Variants in STARD13 observed in about 807,000 individuals in gnomAD.
STARD13 encodes the protein StAR related lipid transfer domain containing 13.
In STARD13, 62 loss-of-function variants were observed where a neutral mutation model predicts 106.4. The ratio of observed to expected loss-of-function variants is 0.58; its 90% confidence interval spans 0.48 to 0.72. STARD13 has a LOEUF of 0.72. Ranked by LOEUF, STARD13 falls within the 30% of genes least tolerant of loss-of-function variation. The pLI, the probability that STARD13 is intolerant of heterozygous loss-of-function variation, is 0.00. For missense variants in STARD13, 1,387 were observed against 1,424.0 expected, an observed-to-expected ratio of 0.97 and a Z score of 0.42; for synonymous variants, 565 against 553.0, an observed-to-expected ratio of 1.02 and a Z score of -0.31.
the STARD13 span, among the ~76,000 whole-genome samples, chr13:33,539,344 A>G: frequency 6.6e-6 from 1 of 152,254 alleles, no homozygotes; most frequent in East Asian, 1.9e-4. Flanking sequence ...AAGCTGATGA[A>G]TAAATTTAAC....
chr13:33,366,691 G>A, the STARD13 span, among the ~76,000 whole-genome samples: 2 of 152,120 alleles, frequency 1.3e-5, no homozygotes, highest in East Asian at 1.9e-4. This position sits in a 1 kb window ranked among gnomAD's most constrained non-coding sequence, Gnocchi z 4.2. Flanking sequence ...CAGTAACAAC[G>A]ATAGTATTGT....
At chr13:33,347,809 C>T (rs187594562), downstream of STARD13, among the ~76,000 whole-genome samples, 321 of 152,248 alleles carry the variant, frequency 2.1e-3, 1 homozygote, top group Middle Eastern at 0.01. Context: ...TAAAGTGATG[C>T]GTGCTGTGGT....
chr13:33,609,718 C>G, the STARD13 span, among the ~76,000 whole-genome samples: 1 of 152,046 alleles, frequency 6.6e-6, no homozygotes, highest in African/African-American at 2.4e-5. Context: ...AGGCACCCAC[C>G]ACCACGCCCG....
chr13:33,217,716 A>G (rs1888124195), intron 1 of STARD13, among the ~76,000 whole-genome samples: 2 of 152,208 alleles, frequency 1.3e-5, no homozygotes, highest in Non-Finnish European at 2.9e-5. Flanking sequence ...GGAAGAATGC[A>G]CCAAGCCAGA....
chr13:33,421,836 C>T, the STARD13 span, among the ~76,000 whole-genome samples: 23,769 of 151,932 alleles, frequency 0.16, 4,439 homozygotes, highest in African/African-American at 0.44. Context: ...CAGATCCAAC[C>T]GCAAAAACCA....
chr13:33,333,296 G>GAC lies in STARD13; in HGVS notation c.124+16992_124+16993dup, dbSNP rs201716914. Among the ~76,000 whole-genome samples the GAC allele has an allele frequency of 7.9e-3, 1,205 of 152,264 alleles. 6 individuals carry two copies. The highest frequency in any genetic ancestry group is 0.013 in the Non-Finnish European group (873 of 68,020). On this transcript the variant is annotated intron_variant, in intron 1 of 5. Coordinates refer to the STARD13 transcript ENST00000567873. ...CCAGCTACTCAGGAGGCTGAGGCAT[G>GAC]ACAATAGCTTGAACCTGGGAGGCGG... is the stretch of plus-strand genomic sequence containing the variant.
At chr13:33,528,229 T>TATATATATATATACATATATATATATAC in the STARD13 span, among the ~76,000 whole-genome samples, 151 of 130,926 alleles carry the variant, frequency 1.2e-3, 2 homozygotes, top group African/African-American at 4.4e-3. Flanking sequence ...TGTGTGTGTA[T>TATATATATATATACATATATATATATAC]ATATATATAT....
chr13:33,651,207 T>TA, the STARD13 span, among the ~76,000 whole-genome samples: 4 of 152,198 alleles, frequency 2.6e-5, no homozygotes, highest in Admixed American at 2.0e-4. Context: ...TTCTTCTTAA[T>TA]AAAAAATCAT....
chr13:33,177,833 G>GA (rs1884744082), intron 1 of STARD13, among the ~76,000 whole-genome samples: 1 of 25,344 alleles, frequency 3.9e-5, no homozygotes, highest in African/African-American at 3.8e-4. Context: ...AGGAAGGAAG[G>GA]AAGGAAGGAA....
At chr13:33,609,017 C>T in the STARD13 span, among the ~76,000 whole-genome samples, 34 of 137,710 alleles carry the variant, frequency 2.5e-4, no homozygotes, top group Non-Finnish European at 4.1e-4. Flanking sequence ...ACCCGGGAGG[C>T]GGAGCTTGCA....
At chr13:33,577,749 A>G in the STARD13 span, among the ~76,000 whole-genome samples, 1 of 152,170 alleles carries the variant, frequency 6.6e-6, no homozygotes, top group Non-Finnish European at 1.5e-5. Context: ...AAAATGCAAA[A>G]CCATAAAACT....
intron 1 of STARD13, among the ~76,000 whole-genome samples, chr13:33,232,443 A>T (rs1888971477): frequency 6.6e-6 from 1 of 151,902 alleles, no homozygotes; most frequent in Non-Finnish European, 1.5e-5. Context: ...TTGTTGACTC[A>T]CAAGTGGGGA....
At chr13:33,153,957 G>T (rs1881627496) in intron 3 of STARD13, among the ~76,000 whole-genome samples, 1 of 152,146 alleles carries the variant, frequency 6.6e-6, no homozygotes, top group Admixed American at 6.5e-5. Flanking sequence ...CTTAACCTAG[G>T]GATCAAAGGC....
At chr13:33,674,571 C>T in the STARD13 span, among the ~76,000 whole-genome samples, 13 of 152,138 alleles carry the variant, frequency 8.5e-5, no homozygotes, top group Non-Finnish European at 5.9e-5. Flanking sequence ...CATTTCTCTA[C>T]CTTTTGGGGA....
intron 7 of STARD13, among the ~76,000 whole-genome samples, chr13:33,121,075 C>T (rs1876213847): frequency 1.3e-5 from 2 of 152,120 alleles, no homozygotes; most frequent in Non-Finnish European, 2.9e-5. Flanking sequence ...TTTGTGAGAC[C>T]ATGAATTTCC....
the STARD13 span, among the ~76,000 whole-genome samples, chr13:33,466,703 A>T: frequency 6.6e-6 from 1 of 152,232 alleles, no homozygotes; most frequent in Non-Finnish European, 1.5e-5. Context: ...AAGTTAAAAA[A>T]ACAGTAAATA....
At chr13:33,243,105 C>A (rs1279022624) in intron 1 of STARD13, among the ~76,000 whole-genome samples, 9 of 152,128 alleles carry the variant, frequency 5.9e-5, no homozygotes, top group African/African-American at 1.9e-4. Context: ...CAAGGAAGGC[C>A]CCCTCATTCC....
intron 7 of STARD13, among the ~76,000 whole-genome samples, chr13:33,123,826 A>C (rs187221955): frequency 3.9e-5 from 6 of 152,258 alleles, no homozygotes; most frequent in Admixed American, 3.3e-4. Context: ...GCACGGGGAG[A>C]AGGGCCCATC....
chr13:33,206,064 G>T, intron 1 of STARD13: 1 of 970,746 alleles, frequency 1.0e-6, no homozygotes, highest in South Asian at 4.8e-5. Flanking sequence ...GTTGGTTTTG[G>T]CCCCGCCTCC....
Sources: allele counts gnomAD v4.1 joint callset (sites outside exome capture counted in the v4.1 genomes callset), GRCh38; gene constraint gnomAD v4.1.1; non-coding constraint Gnocchi (gnomAD v3.1); transcripts MANE v1.5; gene names NCBI Gene and HGNC (gene_info 2026-07-23, HGNC 2026-07-21).